LPAR1: variants seen among roughly 807,000 people sequenced by gnomAD.
LPAR1 encodes the protein LPA receptor 1.
In LPAR1, 5 loss-of-function variants were observed where a neutral mutation model predicts 23.8. That is an observed-to-expected ratio of 0.21 (90% confidence interval 0.11 to 0.44). LPAR1 has a LOEUF of 0.44. LPAR1 is among the 20% of genes least tolerant of loss of function. The probability of loss-of-function intolerance (pLI) is 0.99; values close to 1 mark genes in which losing one functional copy is unlikely to be tolerated. For missense variants in LPAR1, 311 were observed against 482.8 expected (o/e 0.64, Z 3.33); for synonymous variants, 160 against 164.7 (o/e 0.97, Z 0.22).
intron 2 of LPAR1, among the ~76,000 whole-genome samples, chr9:110,995,908 A>G (rs552190004): frequency 6.6e-6 from 1 of 152,368 alleles, no homozygotes; most frequent in African/African-American, 2.4e-5. Context: ...GGACACTTTT[A>G]AAAATAATGG....
At chr9:110,976,987 G>A (rs1254532616) in intron 2 of LPAR1, among the ~76,000 whole-genome samples, 1 of 152,102 alleles carries the variant, frequency 6.6e-6, no homozygotes. Context: ...ATGACCAGTT[G>A]ATTATAACAG....
intron 5 of LPAR1, among the ~76,000 whole-genome samples, chr9:110,936,907 A>C (rs917964785): frequency 5.3e-5 from 8 of 152,240 alleles, no homozygotes; most frequent in African/African-American, 1.9e-4. Flanking sequence ...TGCCATGGTC[A>C]AATAAGGAAG....
intron 5 of LPAR1, among the ~76,000 whole-genome samples, chr9:110,937,429 C>T (rs1222780870): frequency 2.0e-5 from 3 of 152,190 alleles, no homozygotes; most frequent in Non-Finnish European, 4.4e-5. Flanking sequence ...GACCTTGAAT[C>T]CCCGTTCCTA....
chr9:110,960,258 C>A (rs1167951104), intron 4 of LPAR1, among the ~76,000 whole-genome samples: 1 of 152,124 alleles, frequency 6.6e-6, no homozygotes, highest in Non-Finnish European at 1.5e-5. Flanking sequence ...GCCTGAATAG[C>A]CTGACTTGAT....
intron 4 of LPAR1, among the ~76,000 whole-genome samples, chr9:110,958,056 C>T (rs895616042): frequency 8.5e-5 from 13 of 152,114 alleles, no homozygotes; most frequent in Non-Finnish European, 1.5e-4. Context: ...AGGAAAACTA[C>T]AAAACACTGA....
chr9:110,926,405 T>C (rs993670283), intron 5 of LPAR1, among the ~76,000 whole-genome samples: 1 of 152,212 alleles, frequency 6.6e-6, no homozygotes, highest in Non-Finnish European at 1.5e-5. Context: ...TAAATATACA[T>C]TGTTGCTCCA....
rs1223877478 is a variant in LPAR1, at chr9:111,034,430, A to AG, written c.-182+1691dup. ...GGGGAAAAAAAATGTTTTCTTGGAC[A>AG]GCTCTGTGCCTGCAGAATGACTTCA... On this transcript the variant is annotated intron_variant, in intron 2 of 5. Transcript: ENST00000683809. 3.9e-5 allele frequency among the ~76,000 whole-genome samples: 6 copies of AG among 152,328 alleles called. No homozygotes were observed. In the East Asian group the frequency reaches 1.2e-3, roughly 29 times the overall value.
intron 4 of LPAR1, among the ~76,000 whole-genome samples, chr9:110,950,463 TA>T (rs56274036): frequency 0.18 from 21,508 of 121,870 alleles, 1,686 homozygotes; most frequent in South Asian, 0.25. Flanking sequence ...AGACTCTGTC[TA>T]AAAAAAAAAA....
chr9:110,927,042 A>C (rs530981410), intron 5 of LPAR1, among the ~76,000 whole-genome samples: 98 of 152,330 alleles, frequency 6.4e-4, no homozygotes, highest in Non-Finnish European at 1.1e-3. Context: ...CTCAGATGCA[A>C]GGTGGCCCTT....
intron 2 of LPAR1, among the ~76,000 whole-genome samples, chr9:110,980,631 A>G (rs2138932271): frequency 6.6e-6 from 1 of 151,844 alleles, no homozygotes; most frequent in African/African-American, 2.4e-5. Flanking sequence ...AGCCTAGGGG[A>G]CAGGGAGGGA....
intron 5 of LPAR1, among the ~76,000 whole-genome samples, chr9:110,931,442 G>C (rs1003809688): frequency 4.6e-5 from 7 of 152,186 alleles, no homozygotes; most frequent in African/African-American, 1.7e-4. Context: ...TTCAATGCAT[G>C]TTTGCTGACA....
At chr9:110,924,412 CTATT>C (rs1345592804) in intron 5 of LPAR1, among the ~76,000 whole-genome samples, 3 of 152,180 alleles carry the variant, frequency 2.0e-5, no homozygotes, top group Admixed American at 6.5e-5. Flanking sequence ...ATTGAATAAA[CTATT>C]AATTAGCAAA....
chr9:111,001,839 CAT>C (rs2097134023), intron 2 of LPAR1, among the ~76,000 whole-genome samples: 1 of 152,166 alleles, frequency 6.6e-6, no homozygotes, highest in Non-Finnish European at 1.5e-5. Context: ...CAAAGAAAGT[CAT>C]GTAATGTTCC....
chr9:110,909,068 T>C (rs2091941794), intron 5 of LPAR1, among the ~76,000 whole-genome samples: 1 of 152,192 alleles, frequency 6.6e-6, no homozygotes, highest in South Asian at 2.1e-4. Flanking sequence ...CCCTCACTCA[T>C]CATGACTGCT....
chr9:110,987,734 T>C (rs1338492580), intron 2 of LPAR1, among the ~76,000 whole-genome samples: 2 of 151,838 alleles, frequency 1.3e-5, no homozygotes, highest in Non-Finnish European at 2.9e-5. Context: ...CCATGAATAC[T>C]ATATTTCTGA....
intron 4 of LPAR1, among the ~76,000 whole-genome samples, chr9:110,961,752 G>A (rs936396376): frequency 2.6e-5 from 4 of 152,056 alleles, no homozygotes; most frequent in African/African-American, 9.7e-5. Flanking sequence ...ATGGCCGCAG[G>A]CAAGAGAGTG....
chr9:110,914,581 A>C (rs368282679), intron 5 of LPAR1, among the ~76,000 whole-genome samples: 13 of 152,350 alleles, frequency 8.5e-5, no homozygotes, highest in Non-Finnish European at 1.8e-4. Context: ...AAACTATATC[A>C]GTCTTTAATA....
At chr9:110,959,623 A>C (rs1204433705) in intron 4 of LPAR1, among the ~76,000 whole-genome samples, 1 of 152,108 alleles carries the variant, frequency 6.6e-6, no homozygotes, top group East Asian at 1.9e-4. Flanking sequence ...GTCTCAAAAA[A>C]CAAACAAAAA....
chr9:111,016,291 T>C (rs2097443825), intron 2 of LPAR1, among the ~76,000 whole-genome samples: 1 of 152,168 alleles, frequency 6.6e-6, no homozygotes, highest in Non-Finnish European at 1.5e-5. Flanking sequence ...ACCAACCAGG[T>C]ATCATAAATA....
Sources: gnomAD v4.1 joint callset for allele counts (sites outside exome capture counted in the v4.1 genomes callset) on GRCh38, gnomAD v4.1.1 for gene constraint, MANE v1.5 for transcripts, NCBI Gene and HGNC (gene_info 2026-07-23, HGNC 2026-07-21) for gene names.